Variants in SPATA2 observed in about 807,000 individuals in gnomAD.
SPATA2 encodes the protein spermatogenesis associated 2, also known as spermatogenesis-associated protein 2.
Under a neutral mutation model 35.4 loss-of-function variants are expected in SPATA2, and 8 were observed. That is an observed-to-expected ratio of 0.23 (90% CI 0.13 to 0.41). The LOEUF is 0.41. Among genes scored for constraint, SPATA2 ranks in the 10% least tolerant of loss-of-function variants. The pLI is 1.00. For missense variants in SPATA2, 650 were observed against 698.7 expected (o/e 0.93, Z 0.79); for synonymous variants, 293 against 300.9 (o/e 0.97, Z 0.27).
In SPATA2 at chr20:49,905,544, CGT is replaced by C; in HGVS notation, c.*73_*74del. The C allele has an allele frequency of 6.6e-7, 1 of 1,526,034 alleles. No homozygotes were observed. Among genetic ancestry groups the C allele is most frequent in the Non-Finnish European group, 9.0e-7 (1 of 1,116,926 alleles). The allele number at this position is 1,526,034 out of a possible 1,614,324, so 94.5% of individuals were successfully genotyped here. ...CAGGCCTCCGCCTCTGAGATCAATG[CGT>C]TAGTACTTCTTCACCGTGAAACCCG... is the stretch of plus-strand genomic sequence containing the variant. On this transcript the variant is annotated 3_prime_UTR_variant, in exon 3 of 3. Coordinates refer to ENST00000289431, the MANE Select transcript of SPATA2 (RefSeq NM_006038.4).
chr20:49,912,343 G>A (rs2090186296), intron 1 of SPATA2, among the ~76,000 whole-genome samples: 1 of 152,172 alleles, frequency 6.6e-6, no homozygotes, highest in Non-Finnish European at 1.5e-5. Flanking sequence ...CTACTCAGGA[G>A]GCTGAGGCAG....
At chr20:49,912,893 T>C (rs528716834) in intron 1 of SPATA2, among the ~76,000 whole-genome samples, 2 of 147,632 alleles carry the variant, frequency 1.4e-5, no homozygotes, top group East Asian at 2.0e-4. Context: ...TAAAAGATAA[T>C]TAAGGGCAAG....
chr20:49,904,486 C>T lies in SPATA2; in HGVS notation c.*1133G>A, dbSNP rs929964037. On this transcript the variant is annotated 3_prime_UTR_variant, in exon 3 of 3. Coordinates refer to ENST00000289431, the MANE Select transcript of SPATA2 (RefSeq NM_006038.4). The stretch of plus-strand genomic sequence containing the variant: ...TCAAGAAGTGTGAAGTGCAAGGTTC[C>T]TGCTCAGCAAGCTATAGGTCCGACA... The T allele has an allele frequency of 3.3e-5, 5 of 152,618 alleles. No individual in the cohort carries two copies. Among genetic ancestry groups the T allele is most frequent in the African/African-American group, 1.2e-4 (5 of 41,440 alleles). 9.5% of individuals were successfully genotyped at this position (152,618 alleles called of 1,614,324 possible).
chr20:49,904,378 G>A lies in SPATA2; in HGVS notation c.*1241C>T, dbSNP rs151074082. 67 of 152,724 alleles carry A rather than the reference G, an allele frequency of 4.4e-4. No homozygotes were observed. The highest frequency in any genetic ancestry group is 1.6e-3 in the African/African-American group (65 of 41,580). 9.5% of individuals were successfully genotyped at this position (152,724 alleles called of 1,614,324 possible). On this transcript the variant is annotated 3_prime_UTR_variant, in exon 3 of 3. Coordinates refer to ENST00000289431, the MANE Select transcript of SPATA2 (RefSeq NM_006038.4). ...CAAAAAGATTGCAAATGTTGCAGAT[G>A]AGTCCTGGAAACTGGTGAAGAGAAG...
chr20:49,903,902 G>GATATATATAGAT lies in SPATA2; in HGVS notation c.*1716_*1717insATCTATATATAT, dbSNP rs2090122494. ...ACATCTACATGTGATCTACCAGATA[G>GATATATATAGAT]ATATATATATATATATATATATATA... On this transcript the variant is annotated 3_prime_UTR_variant, in exon 3 of 3. Coordinates refer to ENST00000289431, the MANE Select transcript of SPATA2 (RefSeq NM_006038.4). 5 of 96,936 alleles carry GATATATATAGAT rather than the reference G, an allele frequency of 5.2e-5. No individual in the cohort carries two copies. In the East Asian group the frequency reaches 1.3e-3, roughly 25 times the overall value. 6.0% of individuals were successfully genotyped at this position (96,936 alleles called of 1,614,324 possible).
In SPATA2 at chr20:49,904,320, T is replaced by C. The variant is rs954336550; in HGVS notation, c.*1299A>G. 1.3e-5 allele frequency: 2 copies of C among 152,524 alleles called. No homozygotes were observed. The highest frequency in any genetic ancestry group is 6.6e-5 in the Admixed American group (1 of 15,262). 9.4% of individuals were successfully genotyped at this position (152,524 alleles called of 1,614,324 possible). A position where few individuals can be genotyped will look rare whatever the true frequency, so the allele number is the denominator to read the frequency against. On this transcript the variant is annotated 3_prime_UTR_variant, in exon 3 of 3. Transcript: ENST00000289431. The stretch of plus-strand genomic sequence containing the variant: ...AGCATCTGAGGAGCCGTCTCTCTGA[T>C]GGGCACATGCCGACTCCTGCCCACT...
intron 1 of SPATA2, among the ~76,000 whole-genome samples, chr20:49,911,557 C>G (rs1448697274): frequency 6.6e-6 from 1 of 151,822 alleles, no homozygotes; most frequent in Admixed American, 6.6e-5. Flanking sequence ...ATCACAGCTA[C>G]TCGGGAGGCT....
In SPATA2 at chr20:49,905,436, T is replaced by C. The variant is rs541328829; in HGVS notation, c.*183A>G. The C allele has an allele frequency of 1.5e-5, 9 of 610,378 alleles. No individual in the cohort carries two copies. Among genetic ancestry groups the C allele is most frequent in the Admixed American group, 3.0e-5 (1 of 33,364 alleles). 37.8% of individuals were successfully genotyped at this position (610,378 alleles called of 1,614,324 possible). ...CCCTTGTCAGACAACAAAGCAGCCA[T>C]TGGTTGAGATATCTGAGTCGCTAAG... On this transcript the variant is annotated 3_prime_UTR_variant, in exon 3 of 3. Transcript: ENST00000289431.
At position 49,905,262 on chromosome 20, in the gene SPATA2, G is replaced by A. The variant is rs1007331047; in HGVS notation, c.*357C>T. ...AGTTGGCTTTGCAATGGGAGGGGTA[G>A]GTGCAGCGAGGGTCCCAGAGACAGA... On this transcript the variant is annotated 3_prime_UTR_variant, in exon 3 of 3. Coordinates refer to ENST00000289431, the MANE Select transcript of SPATA2 (RefSeq NM_006038.4). 4.5e-6 allele frequency: 1 copy of A among 219,954 alleles called. No individual in the cohort carries two copies. The allele number at this position is 219,954 out of a possible 1,614,324, so 13.6% of individuals were successfully genotyped here.
rs1376450239 is a variant in SPATA2, at chr20:49,903,914, T to C, written c.*1705A>G. ...GATCTACCAGATAGATATATATATA[T>C]ATATATATATATATATATATATATA... On this transcript the variant is annotated 3_prime_UTR_variant, in exon 3 of 3. Transcript: ENST00000289431. 8 of 30,818 alleles carry C rather than the reference T, an allele frequency of 2.6e-4. No individual in the cohort carries two copies. The highest frequency in any genetic ancestry group is 7.4e-4 in the African/African-American group (8 of 10,820). The allele number at this position is 30,818 out of a possible 1,614,324, so 1.9% of individuals were successfully genotyped here.
chr20:49,908,825 G>A (rs1048614846), intron 1 of SPATA2, among the ~76,000 whole-genome samples: 2 of 152,126 alleles, frequency 1.3e-5, no homozygotes, highest in African/African-American at 2.4e-5. Context: ...AGAGAAATTC[G>A]GGTGAGTACA....
intron 1 of SPATA2, among the ~76,000 whole-genome samples, chr20:49,914,276 T>C (rs151295165): frequency 5.8e-4 from 88 of 152,300 alleles, no homozygotes; most frequent in Admixed American, 1.2e-3. Flanking sequence ...TCCCACTGCA[T>C]GGAAGTGAAG....
chr20:49,908,499 G>C lies in SPATA2; in HGVS notation c.-9C>G, dbSNP rs1430019407. On this transcript the variant is annotated 5_prime_UTR_variant, in exon 2 of 3. Coordinates refer to ENST00000289431, the MANE Select transcript of SPATA2 (RefSeq NM_006038.4). Reference sequence around the variant, plus strand: ...GAACTGGGCTTCCCCATCCGATCGAGGGGGGCTACCTTATCTCCTCCATGG... The same window carrying C: ...GAACTGGGCTTCCCCATCCGATCGACGGGGGCTACCTTATCTCCTCCATGG... The C allele has an allele frequency of 6.3e-7, 1 of 1,575,590 alleles. No individual in the cohort carries two copies. The highest frequency in any genetic ancestry group is 1.7e-5 in the Admixed American group (1 of 58,390).
chr20:49,910,370 G>A (rs557927663), intron 1 of SPATA2, among the ~76,000 whole-genome samples: 10 of 152,320 alleles, frequency 6.6e-5, no homozygotes, highest in South Asian at 6.2e-4. Context: ...AGCCGGCTCC[G>A]GGAAGTCCTT....
chr20:49,914,663 G>A (rs564025080), intron 1 of SPATA2, among the ~76,000 whole-genome samples: 1 of 152,222 alleles, frequency 6.6e-6, no homozygotes, highest in East Asian at 1.9e-4. Flanking sequence ...CCTCAGCGGT[G>A]CTGAAAGAAG....
In SPATA2 at chr20:49,906,117, C is replaced by T. The variant is rs200219340; in HGVS notation, c.1065G>A (p.Pro355=). 6.3e-5 allele frequency: 101 copies of T among 1,612,216 alleles called. 1 individual carries two copies. In the East Asian group the frequency reaches 1.2e-3, roughly 19 times the overall value. ...CATCGTTTCTGAGCAGCCACACATC[C>T]GGCCGCAGAGCATCCTGCCGACGGT... ...ATYRRQDALR[P]DVWLLRNDAH... Residue 355 remains proline (P), a synonymous_variant, in exon 3 of 3, where the codon CCG becomes CCA. Coordinates refer to ENST00000289431, the MANE Select transcript of SPATA2 (RefSeq NM_006038.4). The surrounding 1 kb of genome is among the most constrained non-coding windows in gnomAD (Gnocchi z 8.2).
At chr20:49,911,401 C>T (rs571448478) in intron 1 of SPATA2, among the ~76,000 whole-genome samples, 104 of 152,022 alleles carry the variant, frequency 6.8e-4, no homozygotes, top group South Asian at 3.7e-3. Context: ...CGGTGGCTCA[C>T]GCCTGTAATC....
intron 1 of SPATA2, among the ~76,000 whole-genome samples, chr20:49,910,517 C>T (rs751609566): frequency 2.6e-4 from 39 of 152,134 alleles, no homozygotes; most frequent in Non-Finnish European, 4.4e-4. Flanking sequence ...CCAGAAGCTC[C>T]GTGGGTGCAG....
chr20:49,906,841 T>C lies in SPATA2; in HGVS notation c.341A>G (p.Tyr114Cys), dbSNP rs776894825. 1.9e-6 allele frequency: 3 copies of C among 1,608,254 alleles called. No individual in the cohort carries two copies. Among genetic ancestry groups the C allele is most frequent in the South Asian group, 2.2e-5 (2 of 90,894 alleles). Reference protein sequence around the residue: ...WKKEFRSIKTYTGPFVYYVKS... With the variant: ...WKKEFRSIKTCTGPFVYYVKS... Reference sequence around the variant, plus strand: ...GACATAATAAACAAAAGGGCCCGTGTAGGTCTAGAAGGGAGGGAGTAGAAA... The same window carrying C: ...GACATAATAAACAAAAGGGCCCGTGCAGGTCTAGAAGGGAGGGAGTAGAAA... Residue 114 changes from tyrosine to cysteine, a missense_variant, in exon 3 of 3, where the codon TAC becomes TGC. Coordinates refer to ENST00000289431, the MANE Select transcript of SPATA2 (RefSeq NM_006038.4). The surrounding 1 kb of genome is among the most constrained non-coding windows in gnomAD (Gnocchi z 8.2).
Sources: gnomAD v4.1 joint callset for allele counts (sites outside exome capture counted in the v4.1 genomes callset) on GRCh38, gnomAD v4.1.1 for gene constraint, Gnocchi (gnomAD v3.1) non-coding constraint, MANE v1.5 for transcripts, NCBI Gene and HGNC (gene_info 2026-07-23, HGNC 2026-07-21) for gene names.